Variants in PRKCQ observed in about 807,000 individuals in gnomAD.
PRKCQ encodes protein kinase C theta.
A neutral mutation model predicts 91.2 loss-of-function variants in PRKCQ; 41 were observed. The observed-to-expected ratio is 0.45, with a 90% CI of 0.35 to 0.58. The LOEUF (loss-of-function observed/expected upper bound fraction) is 0.58, where lower values mean the gene tolerates loss of function less well. Ranked by LOEUF, PRKCQ falls within the 20% of genes least tolerant of loss-of-function variation. The pLI, the probability that PRKCQ is intolerant of heterozygous loss-of-function variation, is 0.00. For synonymous variants in PRKCQ, 307 were observed against 316.9 expected (o/e 0.97, Z 0.33); for missense variants, 673 against 896.5 (o/e 0.75, Z 3.18).
At chr10:6,570,452 A>G (rs575158186) in intron 1 of PRKCQ, among the ~76,000 whole-genome samples, 1 of 152,224 alleles carries the variant, frequency 6.6e-6, no homozygotes, top group East Asian at 1.9e-4. Context: ...AGGAAAATGC[A>G]GGTGACAGGG....
intron 1 of PRKCQ, among the ~76,000 whole-genome samples, chr10:6,573,492 C>T (rs943452): frequency 0.38 from 58,163 of 152,066 alleles, 11,146 homozygotes; most frequent in African/African-American, 0.41. Context: ...TGGTTCCCTT[C>T]TACATGTTCT....
chr10:6,454,094 TTTAG>T (rs1483776610), intron 15 of PRKCQ, among the ~76,000 whole-genome samples: 1 of 152,138 alleles, frequency 6.6e-6, no homozygotes, highest in Non-Finnish European at 1.5e-5. Flanking sequence ...ATTAATGCAA[TTTAG>T]TTATTTTAAA....
the PRKCQ span, among the ~76,000 whole-genome samples, chr10:6,397,330 G>C: frequency 1.3e-5 from 2 of 152,152 alleles, no homozygotes; most frequent in Non-Finnish European, 2.9e-5. Context: ...CCTGACATCA[G>C]GCAATCCGCC....
chr10:6,513,447 C>CAAAAAA (rs58606251), intron 2 of PRKCQ, among the ~76,000 whole-genome samples: 7 of 105,558 alleles, frequency 6.6e-5, no homozygotes, highest in African/African-American at 1.6e-4. Context: ...AGGCCAAATG[C>CAAAAAA]AAAAAAAAAA....
intron 12 of PRKCQ, among the ~76,000 whole-genome samples, chr10:6,478,607 T>C (rs1404557838): frequency 6.6e-6 from 1 of 152,186 alleles, no homozygotes; most frequent in Non-Finnish European, 1.5e-5. Context: ...AGAAAAATAA[T>C]AGTGTACGTG....
intron 15 of PRKCQ, among the ~76,000 whole-genome samples, chr10:6,454,195 T>C (rs1266036213): frequency 6.6e-6 from 1 of 152,224 alleles, no homozygotes; most frequent in Non-Finnish European, 1.5e-5. Flanking sequence ...ACAATGTATA[T>C]GATTCATATA....
intron 1 of PRKCQ, among the ~76,000 whole-genome samples, chr10:6,525,501 G>A (rs190085906): frequency 2.1e-3 from 315 of 152,122 alleles, no homozygotes; most frequent in African/African-American, 7.1e-3. Context: ...ATCCCACCTC[G>A]CCGTACTTTC....
intron 1 of PRKCQ, among the ~76,000 whole-genome samples, chr10:6,543,231 T>G (rs1306512168): frequency 6.6e-6 from 1 of 152,230 alleles, no homozygotes; most frequent in Non-Finnish European, 1.5e-5. Flanking sequence ...CTGCCATGTT[T>G]ACTTTTAAAA....
intron 8 of PRKCQ, among the ~76,000 whole-genome samples, chr10:6,488,714 A>G (rs1026137102): frequency 6.6e-6 from 1 of 152,178 alleles, no homozygotes; most frequent in Non-Finnish European, 1.5e-5. Context: ...CCGAGTATAT[A>G]GGCATAGATA....
At chr10:6,566,084 A>G (rs990625505) in intron 1 of PRKCQ, among the ~76,000 whole-genome samples, 2 of 152,198 alleles carry the variant, frequency 1.3e-5, no homozygotes, top group Non-Finnish European at 2.9e-5. Context: ...ACCTTTTCAG[A>G]GAAACTTGGT....
chr10:6,456,135 GTCT>G (rs995348081), intron 15 of PRKCQ, among the ~76,000 whole-genome samples: 34 of 152,190 alleles, frequency 2.2e-4, no homozygotes, highest in African/African-American at 5.3e-4. Flanking sequence ...TGACAGCAGT[GTCT>G]TCTTCTTATT....
chr10:6,498,410 G>A lies in PRKCQ; in HGVS notation c.528C>T (p.Cys176=). ...AGTTACTGTACCAGACAAACTCGTGGCAGACAGAGCAAAATGTGGGCTGTG... is the reference window on the plus strand; with the variant it reads ...AGTTACTGTACCAGACAAACTCGTGACAGACAGAGCAAAATGTGGGCTGTG... ...FFPQPTFCSV[C]HEFVWGLNKQ... is the part of the protein sequence containing the mutation. Residue 176 remains cysteine, a synonymous_variant, in exon 5 of 18, where the codon TGC becomes TGT. Coordinates refer to ENST00000263125, the MANE Select transcript of PRKCQ (RefSeq NM_006257.5). The A allele has an allele frequency of 6.2e-7, 1 of 1,614,158 alleles. No homozygotes were observed. Among genetic ancestry groups the A allele is most frequent in the Non-Finnish European group, 8.5e-7 (1 of 1,180,020 alleles).
chr10:6,535,493 T>C (rs1232638460), intron 1 of PRKCQ, among the ~76,000 whole-genome samples: 1 of 152,088 alleles, frequency 6.6e-6, no homozygotes, highest in Non-Finnish European at 1.5e-5. Context: ...TACCAAATGG[T>C]GCTATGAAAA....
At chr10:6,411,117 T>G in the PRKCQ span, among the ~76,000 whole-genome samples, 2 of 152,224 alleles carry the variant, frequency 1.3e-5, no homozygotes, top group African/African-American at 4.8e-5. Context: ...GTATATTTTG[T>G]AGCCTCTAGC....
downstream of PRKCQ, among the ~76,000 whole-genome samples, chr10:6,424,975 G>C (rs1833081236): frequency 6.6e-6 from 1 of 152,222 alleles, no homozygotes; most frequent in Non-Finnish European, 1.5e-5. Context: ...GAGAGGACCG[G>C]CATCGAAGAG....
At chr10:6,494,896 C>T (rs753125551) in intron 7 of PRKCQ, among the ~76,000 whole-genome samples, 49 of 152,288 alleles carry the variant, frequency 3.2e-4, no homozygotes, top group Middle Eastern at 3.4e-3. Flanking sequence ...TCCACCTCTC[C>T]GACTCAACAT....
chr10:6,433,398 C>T (rs1833515415), intron 16 of PRKCQ, among the ~76,000 whole-genome samples: 1 of 152,204 alleles, frequency 6.6e-6, no homozygotes, highest in Admixed American at 6.5e-5. Flanking sequence ...ATTGACATAT[C>T]TATTCCTTAC....
the PRKCQ span, among the ~76,000 whole-genome samples, chr10:6,418,723 C>G: frequency 1.1e-4 from 16 of 152,240 alleles, no homozygotes; most frequent in South Asian, 3.3e-3. Flanking sequence ...ATTTCCTGTG[C>G]TTTTTCAGTC....
At chr10:6,447,193 G>T (rs1370614951) in intron 15 of PRKCQ, among the ~76,000 whole-genome samples, 3 of 151,770 alleles carry the variant, frequency 2.0e-5, no homozygotes, top group Non-Finnish European at 2.9e-5. Context: ...CGGATCATGA[G>T]GTTAAGAGAT....
Sources: allele counts gnomAD v4.1 joint callset (sites outside exome capture counted in the v4.1 genomes callset), GRCh38; gene constraint gnomAD v4.1.1; transcripts MANE v1.5; gene names NCBI Gene and HGNC (gene_info 2026-07-23, HGNC 2026-07-21).